The following CDH12 variants were observed in gnomAD, a reference collection of about 807,000 sequenced individuals.
CDH12 encodes cadherin-12.
In CDH12, 41 loss-of-function variants were observed where a neutral mutation model predicts 74.1. That is an observed-to-expected ratio of 0.55 (90% CI 0.43 to 0.72). The LOEUF (loss-of-function observed/expected upper bound fraction) is 0.72, where lower values mean the gene tolerates loss of function less well. Ranked by LOEUF, CDH12 falls within the 30% of genes least tolerant of loss-of-function variation. CDH12 has a pLI of 0.00. For synonymous variants in CDH12, 399 were observed against 355.0 expected (o/e 1.12, Z -1.39); for missense variants, 945 against 977.2 (o/e 0.97, Z 0.44).
intron 4 of CDH12, among the ~76,000 whole-genome samples, chr5:22,185,888 G>A (rs900883631): frequency 1.3e-5 from 2 of 152,174 alleles, no homozygotes; most frequent in African/African-American, 4.8e-5. Flanking sequence ...AATCCTCTGT[G>A]ATTTGCATTA....
chr5:22,196,600 A>G (rs530298919), intron 4 of CDH12, among the ~76,000 whole-genome samples: 1 of 152,306 alleles, frequency 6.6e-6, no homozygotes, highest in South Asian at 2.1e-4. Flanking sequence ...GGCTTTACAC[A>G]GCTTCAAAAG....
intron 1 of CDH12, among the ~76,000 whole-genome samples, chr5:22,626,107 G>T (rs1165815493): frequency 2.0e-5 from 3 of 152,044 alleles, no homozygotes; most frequent in Admixed American, 2.0e-4. Context: ...ACTACTACCA[G>T]TACAAGTGCA....
intron 6 of CDH12, among the ~76,000 whole-genome samples, chr5:21,911,803 A>T (rs1753870727): frequency 1.3e-5 from 2 of 152,126 alleles, no homozygotes; most frequent in African/African-American, 2.4e-5. Flanking sequence ...GTTAATTCTC[A>T]TGTGTAGTAC....
chr5:22,706,380 C>A (rs78171578), intron 1 of CDH12, among the ~76,000 whole-genome samples: 3,068 of 152,014 alleles, frequency 0.02, 110 homozygotes, highest in African/African-American at 0.071. Context: ...AATCATAATT[C>A]ATTCATAAAT....
intron 3 of CDH12, among the ~76,000 whole-genome samples, chr5:22,349,014 T>C (rs1298664526): frequency 1.3e-5 from 2 of 152,112 alleles, no homozygotes; most frequent in East Asian, 1.9e-4. Flanking sequence ...GGTGATTAAG[T>C]CATAAGAGTA....
chr5:22,078,330 A>C (rs573008160), intron 5 of CDH12, 116 bp downstream of exon 5: 2 of 837,978 alleles, frequency 2.4e-6, no homozygotes, highest in Non-Finnish European at 3.8e-6. Context: ...CTTGGATTTC[A>C]ATTCCAGTGT....
At chr5:22,172,127 A>G (rs1217149562) in intron 4 of CDH12, among the ~76,000 whole-genome samples, 1 of 151,952 alleles carries the variant, frequency 6.6e-6, no homozygotes, top group African/African-American at 2.4e-5. Context: ...GAAAAAGAAC[A>G]AATATTTTCT....
intron 1 of CDH12, among the ~76,000 whole-genome samples, chr5:22,742,346 C>T (rs540859468): frequency 2.6e-5 from 4 of 152,092 alleles, no homozygotes; most frequent in South Asian, 4.1e-4. Flanking sequence ...TATGAGCTGC[C>T]CTCTGTCTTA....
chr5:22,360,021 C>T (rs572754621), intron 3 of CDH12, among the ~76,000 whole-genome samples: 1 of 152,146 alleles, frequency 6.6e-6, no homozygotes, highest in Non-Finnish European at 1.5e-5. Flanking sequence ...ATTAAAAGAA[C>T]TAGAGAAGCA....
intron 3 of CDH12, among the ~76,000 whole-genome samples, 191 bp downstream of exon 3, chr5:22,405,066 C>A (rs1742882143): frequency 6.6e-6 from 1 of 151,920 alleles, no homozygotes; most frequent in Non-Finnish European, 1.5e-5. Flanking sequence ...AAAAATTAGC[C>A]AGGCGTGGTG....
chr5:22,643,626 T>C (rs1331238299), intron 1 of CDH12, among the ~76,000 whole-genome samples: 3 of 151,876 alleles, frequency 2.0e-5, no homozygotes, highest in African/African-American at 7.3e-5. Context: ...CAAAAGAATT[T>C]AAAGTTGAGC....
intron 1 of CDH12, among the ~76,000 whole-genome samples, chr5:22,542,129 T>A (rs1166331443): frequency 6.6e-6 from 1 of 152,196 alleles, no homozygotes; most frequent in Admixed American, 6.5e-5. Flanking sequence ...TTTATAATAT[T>A]TAATCAATGT....
chr5:22,792,801 T>C (rs1172078041), intron 1 of CDH12, among the ~76,000 whole-genome samples: 3 of 152,226 alleles, frequency 2.0e-5, no homozygotes, highest in Non-Finnish European at 2.9e-5. Flanking sequence ...GCACAGGCTC[T>C]GGCACAATTA....
intron 1 of CDH12, among the ~76,000 whole-genome samples, chr5:22,528,167 T>C (rs1007179663): frequency 2.0e-5 from 3 of 152,098 alleles, no homozygotes; most frequent in African/African-American, 7.2e-5. Context: ...CAGAAGAAAA[T>C]CACCTTTGTC....
intron 1 of CDH12, among the ~76,000 whole-genome samples, chr5:22,627,341 A>G (rs150677512): frequency 2.6e-5 from 4 of 152,220 alleles, no homozygotes; most frequent in Non-Finnish European, 1.5e-5. Context: ...CAGCCAGAGC[A>G]AAGGGCAATG....
intron 2 of CDH12, among the ~76,000 whole-genome samples, chr5:22,502,165 C>T (rs770192355): frequency 2.0e-5 from 3 of 152,036 alleles, no homozygotes; most frequent in Non-Finnish European, 4.4e-5. Context: ...CCTATAACTC[C>T]CACATGTTGT....
chr5:22,304,606 T>A (rs1738026036), intron 3 of CDH12, among the ~76,000 whole-genome samples: 2 of 152,328 alleles, frequency 1.3e-5, no homozygotes, highest in South Asian at 4.1e-4. Flanking sequence ...ACAAACTTTC[T>A]TGTATCTTTT....
intron 2 of CDH12, among the ~76,000 whole-genome samples, chr5:22,484,006 A>G (rs1463066902): frequency 6.6e-6 from 1 of 151,434 alleles, no homozygotes; most frequent in African/African-American, 2.4e-5. Flanking sequence ...TTTATAGCAA[A>G]CATACTTTAT....
At chr5:22,266,286 G>A (rs1348287604) in intron 3 of CDH12, among the ~76,000 whole-genome samples, 1 of 151,892 alleles carries the variant, frequency 6.6e-6, no homozygotes, top group Non-Finnish European at 1.5e-5. Flanking sequence ...ATGTTGGCCT[G>A]GCTTGTCTTG....
Sources: allele counts gnomAD v4.1 joint callset (sites outside exome capture counted in the v4.1 genomes callset), GRCh38; gene constraint gnomAD v4.1.1; transcripts MANE v1.5; gene names NCBI Gene and HGNC (gene_info 2026-07-23, HGNC 2026-07-21).